Variants in ADGRL3 observed in about 807,000 individuals in gnomAD.
The protein encoded by ADGRL3 is calcium-independent alpha-latrotoxin receptor 3.
A neutral mutation model predicts 153.5 loss-of-function variants in ADGRL3; 62 were observed. The ratio of observed to expected loss-of-function variants is 0.40; its 90% CI spans 0.33 to 0.50. The LOEUF is 0.50. ADGRL3 is among the 20% of genes least tolerant of loss of function. The pLI is 0.47. For missense variants in ADGRL3, 1,641 were observed against 1,859.4 expected (o/e 0.88, Z 2.16); for synonymous variants, 710 against 672.5 (o/e 1.06, Z -0.86).
chr4:61,213,515 C>T (rs896165192), intron 1 of ADGRL3, among the ~76,000 whole-genome samples: 2 of 151,936 alleles, frequency 1.3e-5, no homozygotes, highest in African/African-American at 2.4e-5. Flanking sequence ...TACAGAGATA[C>T]GTAAAGTTAA....
intron 1 of ADGRL3, among the ~76,000 whole-genome samples, chr4:61,335,988 T>G (rs1222746477): frequency 6.6e-6 from 1 of 152,144 alleles, no homozygotes; most frequent in African/African-American, 2.4e-5. Flanking sequence ...CATGGATAAT[T>G]CTAAATTTAT....
At chr4:61,844,109 A>G (rs1561343213) in intron 9 of ADGRL3, among the ~76,000 whole-genome samples, 1 of 151,324 alleles carries the variant, frequency 6.6e-6, no homozygotes, top group African/African-American at 2.4e-5. Flanking sequence ...AATTTTGGAA[A>G]TCGTATATTT....
At chr4:61,933,436 A>G (rs1394280581) in intron 13 of ADGRL3, among the ~76,000 whole-genome samples, 2 of 152,144 alleles carry the variant, frequency 1.3e-5, no homozygotes, top group Non-Finnish European at 2.9e-5. Context: ...CCAAGAACAA[A>G]TGACGGAGCT....
intron 4 of ADGRL3, among the ~76,000 whole-genome samples, chr4:61,570,577 C>A (rs1362774418): frequency 2.0e-5 from 3 of 152,230 alleles, no homozygotes; most frequent in East Asian, 1.9e-4. Flanking sequence ...ACCTCCCTAT[C>A]TTTCATAGTC....
chr4:61,393,597 T>C (rs1322888654), intron 2 of ADGRL3, among the ~76,000 whole-genome samples: 3 of 152,048 alleles, frequency 2.0e-5, no homozygotes, highest in Non-Finnish European at 4.4e-5. Context: ...GGCTTTATTA[T>C]AAATTATCAT....
At chr4:61,610,588 A>G (rs2091198370) in intron 5 of ADGRL3, among the ~76,000 whole-genome samples, 1 of 152,166 alleles carries the variant, frequency 6.6e-6, no homozygotes, top group South Asian at 2.1e-4. Context: ...TAATTTCTCA[A>G]AATATAATTT....
chr4:61,757,327 C>CT (rs2096847244), intron 8 of ADGRL3, among the ~76,000 whole-genome samples: 1 of 152,108 alleles, frequency 6.6e-6, no homozygotes, highest in Non-Finnish European at 1.5e-5. Flanking sequence ...AGAGATTCAA[C>CT]TTTTTCCTGG....
intron 1 of ADGRL3, 109 bp from the exon 2 acceptor site, chr4:61,383,014 AG>A (rs1421299972): frequency 6.6e-6 from 1 of 151,812 alleles, no homozygotes; most frequent in Admixed American, 6.6e-5. Flanking sequence ...GGGAAATAAT[AG>A]ACTTGACAAC....
At chr4:61,854,721 A>G (rs1361282705) in intron 9 of ADGRL3, among the ~76,000 whole-genome samples, 1 of 152,212 alleles carries the variant, frequency 6.6e-6, no homozygotes, top group Non-Finnish European at 1.5e-5. Flanking sequence ...GTGAGGAAAG[A>G]GGAAAAAAGT....
intron 9 of ADGRL3, among the ~76,000 whole-genome samples, chr4:61,825,432 T>A (rs1309946912): frequency 6.6e-6 from 1 of 152,244 alleles, no homozygotes; most frequent in Non-Finnish European, 1.5e-5. Flanking sequence ...AAGCTTAGTA[T>A]ATCTCACATA....
At chr4:61,977,457 A>G (rs2099052169) in intron 17 of ADGRL3, among the ~76,000 whole-genome samples, 1 of 152,020 alleles carries the variant, frequency 6.6e-6, no homozygotes, top group Non-Finnish European at 1.5e-5. Context: ...CAGACCCAAC[A>G]CTGCTTTGGT....
chr4:61,840,619 C>T (rs1227187217), intron 9 of ADGRL3, among the ~76,000 whole-genome samples: 2 of 152,034 alleles, frequency 1.3e-5, no homozygotes, highest in African/African-American at 2.4e-5. Context: ...GTACTAGGGC[C>T]TTTGGGAGGT....
Position 62,044,539 on chromosome 4 carries a change from A to G in ADGRL3, c.3804A>G (p.Ser1268=). ...CTGGAGACATAAACAGTTCAGCGTC[A>G]CTCAACAGAGGTAATTAGAAATAAT... is the stretch of plus-strand genomic sequence containing the variant. ...FITGDINSSA[S]LNREPYRETK... is the part of the protein sequence containing the mutation. The change falls in exon 25 of 27, where the codon TCA becomes TCG. Residue 1268 remains serine (S), a synonymous_variant. Transcript: ENST00000683033. 1.3e-6 allele frequency: 2 copies of G among 1,581,270 alleles called. No homozygotes were observed. The highest frequency in any genetic ancestry group is 1.7e-6 in the Non-Finnish European group (2 of 1,160,622).
At chr4:61,906,903 GT>G (rs911815789) in intron 11 of ADGRL3, among the ~76,000 whole-genome samples, 17 of 152,066 alleles carry the variant, frequency 1.1e-4, no homozygotes, top group African/African-American at 3.9e-4. Context: ...AAGAGTTTTA[GT>G]TGTGCCCCTT....
intron 9 of ADGRL3, among the ~76,000 whole-genome samples, chr4:61,850,858 T>A (rs1436930138): frequency 6.6e-6 from 1 of 152,084 alleles, no homozygotes; most frequent in Non-Finnish European, 1.5e-5. Flanking sequence ...AGAGAAAAAA[T>A]AACTTTAAGT....
intron 1 of ADGRL3, among the ~76,000 whole-genome samples, chr4:61,334,982 A>G (rs918913835): frequency 1.3e-5 from 2 of 152,168 alleles, no homozygotes; most frequent in African/African-American, 4.8e-5. Flanking sequence ...AAACAAAAGA[A>G]GAACTATAAT....
chr4:61,685,011 C>A (rs373409316), intron 6 of ADGRL3, among the ~76,000 whole-genome samples: 1 of 151,802 alleles, frequency 6.6e-6, no homozygotes, highest in Non-Finnish European at 1.5e-5. Context: ...CTCTTGGACT[C>A]AAGTAATTCT....
rs1179862988 is a variant in ADGRL3, at chr4:62,072,350, A to G, written c.*1442A>G. ...TTTTTTAATTTATGATCCATTTTGTATGGTCTCAAAGTTGGATGACCTCAT... is the reference window on the plus strand; with the variant it reads ...TTTTTTAATTTATGATCCATTTTGTGTGGTCTCAAAGTTGGATGACCTCAT... On this transcript the variant is annotated 3_prime_UTR_variant, in exon 27 of 27. Coordinates refer to ENST00000683033, the MANE Select transcript of ADGRL3 (RefSeq NM_001387552.1). The G allele has an allele frequency of 1.6e-4, 24 of 152,588 alleles. 1 individual carries two copies. Among genetic ancestry groups the G allele is most frequent in the Admixed American group, 1.6e-3 (24 of 15,264 alleles). The allele number at this position is 152,588 out of a possible 1,614,324, so 9.5% of individuals were successfully genotyped here. A position where few individuals can be genotyped will look rare whatever the true frequency, so the allele number is the denominator to read the frequency against.
At chr4:61,683,163 A>G (rs900517650) in intron 6 of ADGRL3, among the ~76,000 whole-genome samples, 1 of 149,898 alleles carries the variant, frequency 6.7e-6, no homozygotes, top group Non-Finnish European at 1.5e-5. Flanking sequence ...CCCAGGCTGA[A>G]GTGCTGTGGC....
Sources: gnomAD v4.1 joint callset for allele counts (sites outside exome capture counted in the v4.1 genomes callset) on GRCh38, gnomAD v4.1.1 for gene constraint, MANE v1.5 for transcripts, NCBI Gene and HGNC (gene_info 2026-07-23, HGNC 2026-07-21) for gene names.